The following MACROD2 variants were observed in gnomAD, a reference collection of about 807,000 sequenced individuals.
MACROD2 encodes the protein mono-ADP ribosylhydrolase 2.
MACROD2 carries 36 observed loss-of-function variants against 70.4 expected under a neutral mutation model. The ratio of observed to expected loss-of-function variants is 0.51; its 90% confidence interval spans 0.39 to 0.68. The LOEUF is 0.68. Among genes scored for constraint, MACROD2 ranks in the 30% least tolerant of loss-of-function variants. The probability of loss-of-function intolerance (pLI) is 0.00; values close to 1 mark genes in which losing one functional copy is unlikely to be tolerated. For missense variants in MACROD2, 496 were observed against 538.4 expected, an observed-to-expected ratio of 0.92 and a Z score of 0.78; for synonymous variants, 172 against 178.8, an observed-to-expected ratio of 0.96 and a Z score of 0.30.
At chr20:15,599,940 T>C (rs2048796894) in intron 8 of MACROD2, among the ~76,000 whole-genome samples, 1 of 152,244 alleles carries the variant, frequency 6.6e-6, no homozygotes, top group East Asian at 1.9e-4. Flanking sequence ...GTCTTTTCCT[T>C]TGGCTGCCAA....
intron 4 of MACROD2, among the ~76,000 whole-genome samples, chr20:14,496,230 T>A (rs428515): frequency 0.18 from 27,561 of 152,084 alleles, 2,783 homozygotes; most frequent in South Asian, 0.36. Flanking sequence ...CCTTCAAAGG[T>A]CCATCAAGAG....
Position 14,265,637 on chromosome 20 carries a change from A to G in MACROD2, c.271+179909A>G, listed in dbSNP as rs530223362. 3.9e-5 allele frequency among the ~76,000 whole-genome samples: 6 copies of G among 152,274 alleles called. No homozygotes were observed. The South Asian group carries it at 1.2e-3, about 32-fold the overall frequency. ...GTCCATACAACACTCTCATGGATTT[A>G]GCAAAATCTGATGTGTGTTTATTTT... On this transcript the variant is annotated intron_variant, in intron 3 of 17. Coordinates refer to ENST00000684519, the MANE Select transcript of MACROD2 (RefSeq NM_001351661.2).
intron 8 of MACROD2, among the ~76,000 whole-genome samples, chr20:15,635,241 C>T (rs1026558943): frequency 5.3e-5 from 8 of 152,156 alleles, no homozygotes; most frequent in Admixed American, 3.9e-4. Flanking sequence ...TTATAGTTTA[C>T]TGAGTATCTA....
chr20:15,021,239 CCTGTGTGTATGTATACACACACCTGT>C (rs1169455973), intron 5 of MACROD2, among the ~76,000 whole-genome samples: 1 of 76,814 alleles, frequency 1.3e-5, no homozygotes, highest in African/African-American at 5.3e-5. Context: ...TATACACACA[CCTGTGTGTATGTATACACACACCTGT>C]GTGTGTGTAT....
chr20:14,809,309 C>T (rs1158658991), intron 5 of MACROD2, among the ~76,000 whole-genome samples: 1 of 152,078 alleles, frequency 6.6e-6, no homozygotes, highest in East Asian at 1.9e-4. Context: ...TACATGGAAA[C>T]TGAACAATCT....
intron 3 of MACROD2, among the ~76,000 whole-genome samples, chr20:14,355,422 C>T (rs2083163096): frequency 6.6e-6 from 1 of 152,102 alleles, no homozygotes; most frequent in Non-Finnish European, 1.5e-5. Context: ...AATTTCTGTT[C>T]TAGAAGCTAG....
chr20:14,804,331 T>C (rs898069232), intron 5 of MACROD2, among the ~76,000 whole-genome samples: 1 of 152,110 alleles, frequency 6.6e-6, no homozygotes, highest in Non-Finnish European at 1.5e-5. Context: ...TGTGAAAGGA[T>C]GCTCTGTCTC....
In MACROD2 at chr20:15,236,787, A is replaced by G. The variant is rs912001219; in HGVS notation, c.540+6726A>G. 3.9e-5 allele frequency among the ~76,000 whole-genome samples: 6 copies of G among 152,332 alleles called. No individual in the cohort carries two copies. In the East Asian group the frequency reaches 1.2e-3, roughly 29 times the overall value. On this transcript the variant is annotated intron_variant, in intron 6 of 17. Coordinates refer to ENST00000684519, the MANE Select transcript of MACROD2 (RefSeq NM_001351661.2). ...GCCATCTGTAGGTTGGACCTGTAAC[A>G]CTACTGGTCTTAGCTCAAGTGAATT...
chr20:14,756,246 T>G (rs910800616), intron 5 of MACROD2, among the ~76,000 whole-genome samples: 1 of 152,110 alleles, frequency 6.6e-6, no homozygotes, highest in African/African-American at 2.4e-5. Context: ...TGTTCCCTCT[T>G]TCTAGGTTAC....
intron 4 of MACROD2, among the ~76,000 whole-genome samples, chr20:14,577,605 C>A (rs1980683368): frequency 6.6e-6 from 1 of 151,744 alleles, no homozygotes; most frequent in African/African-American, 2.4e-5. Flanking sequence ...CAGAGTGAGA[C>A]CCTATCTCAA....
chr20:15,795,164 G>T (rs1240667415), intron 8 of MACROD2, among the ~76,000 whole-genome samples: 1 of 152,124 alleles, frequency 6.6e-6, no homozygotes. Flanking sequence ...ATGTCACTAA[G>T]CTAGGCCAAA....
At chr20:15,226,780 G>A (rs2076910192) in intron 5 of MACROD2, among the ~76,000 whole-genome samples, 1 of 151,892 alleles carries the variant, frequency 6.6e-6, no homozygotes, top group Non-Finnish European at 1.5e-5. Flanking sequence ...CAACACAGAA[G>A]AGACCACAGA....
At chr20:15,051,928 T>C (rs1568550279) in intron 5 of MACROD2, among the ~76,000 whole-genome samples, 3 of 152,032 alleles carry the variant, frequency 2.0e-5, no homozygotes, top group African/African-American at 7.2e-5. Context: ...ATTTTTTGTG[T>C]TTTTAGTAGA....
intron 15 of MACROD2, among the ~76,000 whole-genome samples, chr20:16,000,304 A>G (rs2066692667): frequency 1.3e-5 from 2 of 152,226 alleles, no homozygotes; most frequent in Non-Finnish European, 2.9e-5. Flanking sequence ...CCATGGAAAC[A>G]TGGATTTATT....
At chr20:15,821,140 GTTC>G (rs1226058036) in intron 8 of MACROD2, among the ~76,000 whole-genome samples, 1 of 151,986 alleles carries the variant, frequency 6.6e-6, no homozygotes, top group African/African-American at 2.4e-5. Flanking sequence ...ATAAAATTCA[GTTC>G]TTCTCCTTTA....
intron 15 of MACROD2, among the ~76,000 whole-genome samples, chr20:16,005,860 A>G (rs2066780543): frequency 6.6e-6 from 1 of 152,208 alleles, no homozygotes; most frequent in Non-Finnish European, 1.5e-5. Context: ...CACTCTGGCT[A>G]GCTGCCCTCT....
chr20:15,455,907 A>G (rs2046718549), intron 7 of MACROD2, among the ~76,000 whole-genome samples: 1 of 152,144 alleles, frequency 6.6e-6, no homozygotes, highest in Non-Finnish European at 1.5e-5. Context: ...ATAAATCTGT[A>G]AAATAAAAAT....
intron 10 of MACROD2, 99 bp from the exon 11 acceptor site, chr20:15,933,177 C>A: frequency 1.7e-6 from 2 of 1,173,000 alleles, no homozygotes; most frequent in Non-Finnish European, 2.5e-6. Flanking sequence ...AGTCATGCTA[C>A]ATTGGTTACA....
chr20:14,054,494 T>C (rs1028623700), intron 2 of MACROD2, among the ~76,000 whole-genome samples: 3 of 152,014 alleles, frequency 2.0e-5, no homozygotes, highest in African/African-American at 7.2e-5. Flanking sequence ...AAGTGCTCCA[T>C]GTAATGAAGA....
Sources: allele counts gnomAD v4.1 joint callset (sites outside exome capture counted in the v4.1 genomes callset), GRCh38; gene constraint gnomAD v4.1.1; transcripts MANE v1.5; gene names NCBI Gene and HGNC (gene_info 2026-07-23, HGNC 2026-07-21).